Variants in GOLGA4 observed in about 807,000 individuals in gnomAD.
The protein encoded by GOLGA4 is golgin A4, also known as golgin subfamily A member 4.
Under a neutral mutation model 265.9 loss-of-function variants are expected in GOLGA4, and 169 were observed. The observed-to-expected ratio is 0.64, with a 90% CI of 0.56 to 0.72. The LOEUF (loss-of-function observed/expected upper bound fraction) is 0.72. Ranked by LOEUF, GOLGA4 falls within the 30% of genes least tolerant of loss-of-function variation. The pLI is 0.00. For missense variants in GOLGA4, 2,482 were observed against 2,483.4 expected (o/e 1.00, Z 0.01); for synonymous variants, 923 against 855.8 (o/e 1.08, Z -1.37).
intron 2 of GOLGA4, among the ~76,000 whole-genome samples, chr3:37,253,745 G>A (rs946977752): frequency 6.6e-6 from 1 of 151,770 alleles, no homozygotes; most frequent in Non-Finnish European, 1.5e-5. Flanking sequence ...GCAGTCAGCC[G>A]GGCATGGTGG....
intron 10 of GOLGA4, among the ~76,000 whole-genome samples, chr3:37,303,019 C>G (rs966528884): frequency 2.0e-5 from 3 of 152,206 alleles, no homozygotes; most frequent in African/African-American, 7.2e-5. Context: ...TAGAATGGGC[C>G]TAACAAGAGA....
At chr3:37,303,766 G>A (rs572397385) in intron 10 of GOLGA4, among the ~76,000 whole-genome samples, 1 of 152,140 alleles carries the variant, frequency 6.6e-6, no homozygotes, top group Non-Finnish European at 1.5e-5. Context: ...TTCTGCTGAC[G>A]CTTATTTAGC....
chr3:37,327,518 A>G lies in GOLGA4; in HGVS notation c.5632A>G (p.Thr1878Ala), dbSNP rs2096975780. Residue 1878 changes from threonine (T) to alanine (A), a missense_variant, in exon 14 of 24, where the codon ACC becomes GCC. Physicochemically the swap from Thr to Ala is moderately conservative, Grantham distance 58. Coordinates refer to ENST00000361924, the MANE Select transcript of GOLGA4 (RefSeq NM_002078.5). ...EVHRVEMEEL[T>A]SKYEKLQALQ... ...ACATAGAGTTGAAATGGAAGAGTTG[A>G]CCTCAAAATATGAAAAATTACAGGC... 1 of 1,613,258 alleles carries G rather than the reference A, an allele frequency of 6.2e-7. No homozygotes were observed. The highest frequency in any genetic ancestry group is 2.2e-5 in the East Asian group (1 of 44,880).
chr3:37,310,193 G>A (rs575050608), intron 10 of GOLGA4, among the ~76,000 whole-genome samples: 64 of 152,238 alleles, frequency 4.2e-4, no homozygotes, highest in Non-Finnish European at 7.5e-4. Context: ...GAGTAGAAGT[G>A]GGTCTTGTTA....
chr3:37,258,209 G>A (rs1410779108), intron 2 of GOLGA4, among the ~76,000 whole-genome samples: 5 of 142,954 alleles, frequency 3.5e-5, no homozygotes, highest in African/African-American at 1.3e-4. Flanking sequence ...GATATATATA[G>A]CATATATATA....
chr3:37,253,361 A>G (rs890503791), intron 2 of GOLGA4, among the ~76,000 whole-genome samples: 1 of 151,970 alleles, frequency 6.6e-6, no homozygotes, highest in Non-Finnish European at 1.5e-5. Context: ...TGATGAAAAA[A>G]TTAATTTAAT....
intron 2 of GOLGA4, among the ~76,000 whole-genome samples, chr3:37,274,216 T>C (rs1351742347): frequency 6.6e-6 from 1 of 151,898 alleles, no homozygotes; most frequent in Non-Finnish European, 1.5e-5. Context: ...TTGAGAGACA[T>C]ACTGAGTTAT....
intron 5 of GOLGA4, among the ~76,000 whole-genome samples, chr3:37,291,593 A>G (rs1177082089): frequency 1.9e-4 from 29 of 152,236 alleles, no homozygotes; most frequent in Admixed American, 1.9e-3. Flanking sequence ...TCACTGGCTG[A>G]AAAGCATGCC....
chr3:37,308,657 C>T (rs1380715573), intron 10 of GOLGA4, among the ~76,000 whole-genome samples: 2 of 151,434 alleles, frequency 1.3e-5, no homozygotes, highest in African/African-American at 4.8e-5. Context: ...ACTCTGTCGC[C>T]CAGGCTGGAG....
Position 37,324,958 on chromosome 3 carries a change from C to T in GOLGA4, c.3072C>T (p.Asn1024=), listed in dbSNP as rs1448568830. ...ATGCAGTGTCAAGACTGGAAACAAACCAAAAAGAACAAATAGAAAGTCTTA... is the reference window on the plus strand; with the variant it reads ...ATGCAGTGTCAAGACTGGAAACAAATCAAAAAGAACAAATAGAAAGTCTTA... ...ISDAVSRLET[N]QKEQIESLTE... Residue 1024 remains asparagine, a synonymous_variant, in exon 14 of 24, where the codon AAC becomes AAT. Transcript: ENST00000361924. The T allele has an allele frequency of 6.2e-7, 1 of 1,613,220 alleles. No individual in the cohort carries two copies. Among genetic ancestry groups the T allele is most frequent in the African/African-American group, 1.3e-5 (1 of 74,932 alleles).
intron 2 of GOLGA4, among the ~76,000 whole-genome samples, chr3:37,271,474 T>G (rs911239954): frequency 1.3e-5 from 2 of 152,178 alleles, no homozygotes. Context: ...AGGGAAAAGT[T>G]GAAACATATT....
intron 2 of GOLGA4, among the ~76,000 whole-genome samples, chr3:37,260,319 G>A (rs887704857): frequency 1.3e-5 from 2 of 152,078 alleles, no homozygotes; most frequent in South Asian, 2.1e-4. Context: ...CAGTATCTGG[G>A]AAGATAGAAA....
intron 2 of GOLGA4, among the ~76,000 whole-genome samples, chr3:37,270,869 C>T (rs764814811): frequency 4.0e-5 from 6 of 151,750 alleles, no homozygotes; most frequent in East Asian, 3.9e-4. Context: ...CATTGTAATA[C>T]GTAATGAAGT....
rs769548341 is a variant in GOLGA4, at chr3:37,337,696, A to C, written c.6358A>C (p.Ser2120Arg). Residue 2120 changes from serine to arginine, a missense_variant, in exon 19 of 24, where the codon AGT becomes CGT. By Grantham distance (110) the Ser-to-Arg change is moderately radical (BLOSUM62 -1). Transcript: ENST00000361924. Reference sequence around the variant, plus strand: ...GCTAGCACAGAAGACGACTTTAATCAGTGATTCGAAATTGAAAGAGCAAGA... The same window carrying C: ...GCTAGCACAGAAGACGACTTTAATCCGTGATTCGAAATTGAAAGAGCAAGA... ...TQLAQKTTLI[S>R]DSKLKEQEFR... is the part of the protein sequence containing the mutation. 2.5e-6 allele frequency: 4 copies of C among 1,612,026 alleles called. No individual in the cohort carries two copies. The African/African-American group carries it at 5.3e-5, about 21-fold the overall frequency.
At chr3:37,267,476 T>C (rs533011659) in intron 2 of GOLGA4, among the ~76,000 whole-genome samples, 1 of 152,238 alleles carries the variant, frequency 6.6e-6, no homozygotes, top group Non-Finnish European at 1.5e-5. Flanking sequence ...GTCTCATTTG[T>C]TTTTAAGTGA....
chr3:37,311,751 T>C (rs6550471), intron 10 of GOLGA4, among the ~76,000 whole-genome samples: 76,934 of 152,076 alleles, frequency 0.51, 21,574 homozygotes, highest in African/African-American at 0.74. Flanking sequence ...CTACTTTCAT[T>C]GTTGTATGAT....
In GOLGA4 at chr3:37,286,069, A is replaced by G. The variant is rs1204644793; in HGVS notation, c.525+8A>G. Reference sequence around the variant, plus strand: ...GAGAAGAAAAAGCTACAAGTAAGTGATTTGTCAACTGCATTACTGAGTCAT... The same window carrying G: ...GAGAAGAAAAAGCTACAAGTAAGTGGTTTGTCAACTGCATTACTGAGTCAT... On this transcript the variant is annotated splice_region_variant and intron_variant, in intron 4 of 23. Coordinates refer to ENST00000361924, the MANE Select transcript of GOLGA4 (RefSeq NM_002078.5). 7.1e-7 allele frequency: 1 copy of G among 1,411,622 alleles called. No individual in the cohort carries two copies. Among genetic ancestry groups the G allele is most frequent in the African/African-American group, 1.4e-5 (1 of 69,594 alleles). 87.4% of individuals were successfully genotyped at this position (1,411,622 alleles called of 1,614,324 possible). A position where few individuals can be genotyped will look rare whatever the true frequency, so the allele number is the denominator to read the frequency against.
At chr3:37,308,250 CAAAAAG>C (rs2096912854) in intron 10 of GOLGA4, among the ~76,000 whole-genome samples, 1 of 149,730 alleles carries the variant, frequency 6.7e-6, no homozygotes, top group African/African-American at 2.4e-5. Flanking sequence ...AAAAAACGAA[CAAAAAG>C]AAAAAGAAAA....
At chr3:37,244,004 C>T (rs1389329939) in intron 1 of GOLGA4, 2 of 213,170 alleles carry the variant, frequency 9.4e-6, no homozygotes, top group Non-Finnish European at 1.9e-5. Flanking sequence ...ACCCGGGTCC[C>T]TTGTGATATC....
Sources: allele counts gnomAD v4.1 joint callset (sites outside exome capture counted in the v4.1 genomes callset), GRCh38; gene constraint gnomAD v4.1.1; transcripts MANE v1.5; gene names NCBI Gene and HGNC (gene_info 2026-07-23, HGNC 2026-07-21).